APBB2: variants seen among roughly 807,000 people sequenced by gnomAD.
APBB2 encodes amyloid beta precursor protein binding family B member 2.
APBB2 carries 38 observed loss-of-function variants against 82.5 expected under a neutral mutation model. The observed-to-expected ratio is 0.46, with a 90% CI of 0.36 to 0.60. The LOEUF is 0.60. Among genes scored for constraint, APBB2 ranks in the 20% least tolerant of loss-of-function variants. The probability of loss-of-function intolerance (pLI) is 0.00; values close to 1 mark genes in which losing one functional copy is unlikely to be tolerated. For synonymous variants in APBB2, 341 were observed against 368.2 expected, an observed-to-expected ratio of 0.93 and a Z score of 0.85; for missense variants, 772 against 972.3, an observed-to-expected ratio of 0.79 and a Z score of 2.74.
At chr4:41,025,109 A>G (rs1179869423) in intron 5 of APBB2, among the ~76,000 whole-genome samples, 3 of 152,138 alleles carry the variant, frequency 2.0e-5, no homozygotes, top group African/African-American at 7.2e-5. Context: ...CTCAATAAAA[A>G]TCCTCCAGTT....
intron 12 of APBB2, among the ~76,000 whole-genome samples, chr4:40,846,216 AC>A (rs1356483924): frequency 6.6e-6 from 1 of 151,676 alleles, no homozygotes; most frequent in Non-Finnish European, 1.5e-5. Flanking sequence ...GTATGGCCTT[AC>A]AGTGCAGGCC....
intron 1 of APBB2, among the ~76,000 whole-genome samples, chr4:41,174,704 T>G (rs139771909): frequency 1.3e-5 from 2 of 152,314 alleles, no homozygotes; most frequent in East Asian, 3.9e-4. Flanking sequence ...GTGAGGTACA[T>G]GCAGCACCAG....
chr4:41,104,139 G>A (rs1011934329), intron 2 of APBB2, among the ~76,000 whole-genome samples: 3 of 152,196 alleles, frequency 2.0e-5, no homozygotes, highest in African/African-American at 7.2e-5. Context: ...CAAATACAAA[G>A]AGGGATGCAT....
chr4:41,092,312 G>A (rs1024749489), intron 3 of APBB2, among the ~76,000 whole-genome samples: 2 of 152,222 alleles, frequency 1.3e-5, no homozygotes, highest in Admixed American at 1.3e-4. Flanking sequence ...GCAGACTGAA[G>A]CTTTCTTGCA....
chr4:41,147,209 T>C (rs2154024967), intron 1 of APBB2, among the ~76,000 whole-genome samples: 1 of 152,288 alleles, frequency 6.6e-6, no homozygotes, highest in Middle Eastern at 3.4e-3. Context: ...ATTTGTAAGA[T>C]AATGAGGGTA....
chr4:41,160,028 A>AGAAGAAGAAGAAGAAGAG (rs1560914552), intron 1 of APBB2, among the ~76,000 whole-genome samples: 2 of 147,734 alleles, frequency 1.4e-5, no homozygotes, highest in South Asian at 2.1e-4. Context: ...AAGAAGAAGA[A>AGAAGAAGAAGAAGAAGAG]GAAGAAGAAA....
intron 1 of APBB2, among the ~76,000 whole-genome samples, chr4:41,191,054 C>A (rs1156408813): frequency 6.6e-6 from 1 of 152,112 alleles, no homozygotes; most frequent in East Asian, 1.9e-4. Context: ...TGGCAGGGAC[C>A]CAGCGGAGTC....
chr4:41,073,268 T>C (rs533234038), intron 3 of APBB2, among the ~76,000 whole-genome samples: 21 of 152,350 alleles, frequency 1.4e-4, no homozygotes, highest in African/African-American at 5.0e-4. Context: ...ACCTAGAATG[T>C]AAAAATTCCC....
chr4:40,889,156 C>T (rs1771238837), intron 12 of APBB2, among the ~76,000 whole-genome samples: 1 of 152,250 alleles, frequency 6.6e-6, no homozygotes, highest in Non-Finnish European at 1.5e-5. Context: ...TGCAACTGTG[C>T]TCCCAGGAAG....
rs984682608 is a variant in APBB2, at chr4:40,992,369, G to GGA, written c.835+21213_835+21214insTC. On this transcript the variant is annotated intron_variant, in intron 6 of 17. Coordinates refer to ENST00000508593, the MANE Select transcript of APBB2 (RefSeq NM_004307.2). ...TTTATTTTTGGTAGAGATGGGGGGG[G>GGA]GTCTTTCTATGTTGCCCATGCTGGT... Among the ~76,000 whole-genome samples the GGA allele has an allele frequency of 2.5e-5, 3 of 118,746 alleles. 1 individual carries two copies. The East Asian group carries it at 8.8e-4, about 35-fold the overall frequency. 77.9% of individuals were successfully genotyped at this position (118,746 alleles called of 152,430 possible).
chr4:40,958,885 C>A (rs142963142), intron 6 of APBB2, among the ~76,000 whole-genome samples: 1 of 152,156 alleles, frequency 6.6e-6, no homozygotes, highest in South Asian at 2.1e-4. Flanking sequence ...GGATTACAGG[C>A]GTGAGCCGCT....
At chr4:40,940,672 C>A (rs1786647987) in intron 7 of APBB2, among the ~76,000 whole-genome samples, 1 of 152,202 alleles carries the variant, frequency 6.6e-6, no homozygotes, top group Non-Finnish European at 1.5e-5. Context: ...TAAGAACAGG[C>A]TGATTTAGGA....
At chr4:40,900,582 A>G (rs1775006291) in intron 10 of APBB2, among the ~76,000 whole-genome samples, 3 of 151,640 alleles carry the variant, frequency 2.0e-5, no homozygotes, top group Non-Finnish European at 2.9e-5. Flanking sequence ...CAGCATCCCA[A>G]GTAGCTGGGA....
At chr4:40,986,736 A>G (rs1364111358) in intron 6 of APBB2, among the ~76,000 whole-genome samples, 1 of 152,224 alleles carries the variant, frequency 6.6e-6, no homozygotes, top group Non-Finnish European at 1.5e-5. Context: ...GTGCCACCTA[A>G]ATAGCAAAGT....
chr4:41,079,042 G>A (rs1266805527), intron 3 of APBB2, among the ~76,000 whole-genome samples: 2 of 152,192 alleles, frequency 1.3e-5, no homozygotes. Context: ...GAGGGCAATG[G>A]CAACAACACC....
intron 1 of APBB2, among the ~76,000 whole-genome samples, chr4:41,149,693 C>T (rs905104609): frequency 2.0e-5 from 3 of 152,116 alleles, no homozygotes; most frequent in Non-Finnish European, 2.9e-5. Flanking sequence ...GTGTCCCCAC[C>T]CAAATCTCAT....
At chr4:41,073,728 A>T (rs1734667607) in intron 3 of APBB2, among the ~76,000 whole-genome samples, 1 of 152,234 alleles carries the variant, frequency 6.6e-6, no homozygotes. Context: ...ATACCAATAT[A>T]TTAAAATAAG....
intron 6 of APBB2, among the ~76,000 whole-genome samples, chr4:41,000,995 CAG>C (rs1805065964): frequency 6.6e-6 from 1 of 152,330 alleles, no homozygotes; most frequent in African/African-American, 2.4e-5. Context: ...TCTTTGTCCA[CAG>C]AGAGCAAGGG....
chr4:41,105,257 G>A (rs1037170694), intron 2 of APBB2, among the ~76,000 whole-genome samples: 7 of 152,116 alleles, frequency 4.6e-5, no homozygotes, highest in East Asian at 1.9e-4. Flanking sequence ...TGCTGACACC[G>A]ATGAAAAACA....
Sources: allele counts gnomAD v4.1 joint callset (sites outside exome capture counted in the v4.1 genomes callset), GRCh38; gene constraint gnomAD v4.1.1; transcripts MANE v1.5; gene names NCBI Gene and HGNC (gene_info 2026-07-23, HGNC 2026-07-21).